Variants in ATAD2 observed in about 807,000 individuals in gnomAD.
ATAD2 encodes ATPase family AAA domain containing 2, also known as ATPase family AAA domain-containing protein 2.
A neutral mutation model predicts 168.9 loss-of-function variants in ATAD2; 62 were observed. The observed-to-expected ratio is 0.37, with a 90% confidence interval of 0.30 to 0.45. ATAD2 has a LOEUF of 0.45. ATAD2 is among the 20% of genes least tolerant of loss of function. The pLI is 1.00. For missense variants in ATAD2, 1,419 were observed against 1,667.8 expected (o/e 0.85, Z 2.60); for synonymous variants, 613 against 571.6 (o/e 1.07, Z -1.03).
intron 2 of ATAD2, among the ~76,000 whole-genome samples, chr8:123,377,029 T>G (rs1829334628): frequency 7.1e-6 from 1 of 140,638 alleles, no homozygotes; most frequent in Admixed American, 7.8e-5. Context: ...GGGCGGAGGT[T>G]GCAGTGAGCC....
intron 1 of ATAD2, among the ~76,000 whole-genome samples, chr8:123,389,986 T>TGTATATATA: frequency 1.5e-5 from 1 of 67,664 alleles, no homozygotes. Context: ...ATATATATAT[T>TGTATATATA]TTTTTTTTTT....
intron 9 of ATAD2, among the ~76,000 whole-genome samples, chr8:123,361,033 C>T (rs538795815): frequency 4.0e-5 from 6 of 151,314 alleles, no homozygotes; most frequent in Admixed American, 6.6e-5. Context: ...ATTTGGCAAG[C>T]GGGCCAGGCA....
chr8:123,409,018 G>A (rs764569310), intron 1 of ATAD2, among the ~76,000 whole-genome samples: 40 of 151,836 alleles, frequency 2.6e-4, no homozygotes, highest in Admixed American at 5.3e-4. Flanking sequence ...AGTAGAGACG[G>A]GGTTTTGCTG....
chr8:123,349,390 T>C lies in ATAD2; in HGVS notation c.1701A>G (p.Glu567=), dbSNP rs772610883. The part of the protein sequence containing the change: ...ALMDGLDSRG[E]IVVIGATNRL... ...TGTTCGTAGCACCAATGACCACAAT[T>C]TCCCCTCTGCTGTCCAATCCATCCA... Residue 567 remains glutamate, a synonymous_variant, in exon 14 of 28, where the codon GAA becomes GAG. Coordinates refer to ENST00000287394, the MANE Select transcript of ATAD2 (RefSeq NM_014109.4). 3 of 1,614,066 alleles carry C rather than the reference T, an allele frequency of 1.9e-6. No individual in the cohort carries two copies. Among genetic ancestry groups the C allele is most frequent in the Non-Finnish European group, 2.5e-6 (3 of 1,179,992 alleles).
chr8:123,396,431 T>G lies in ATAD2; in HGVS notation c.-74A>C. ...TCCAGGCGCTCGCAGCTCTGGCTCTTCCGCGCTCCGAATTCTGGCGCCACA... is the reference window on the plus strand; with the variant it reads ...TCCAGGCGCTCGCAGCTCTGGCTCTGCCGCGCTCCGAATTCTGGCGCCACA... On this transcript the variant is annotated 5_prime_UTR_variant, in exon 1 of 28. Coordinates refer to ENST00000287394, the MANE Select transcript of ATAD2 (RefSeq NM_014109.4). The G allele has an allele frequency of 1.4e-6, 2 of 1,394,248 alleles. No homozygotes were observed. The highest frequency in any genetic ancestry group is 1.9e-6 in the Non-Finnish European group (2 of 1,066,950). 86.4% of individuals were successfully genotyped at this position (1,394,248 alleles called of 1,614,324 possible).
Position 123,359,565 on chromosome 8 carries a change from C to A in ATAD2, c.1266+12G>T. The A allele has an allele frequency of 6.3e-7, 1 of 1,586,992 alleles. No individual in the cohort carries two copies. Among genetic ancestry groups the A allele is most frequent in the Non-Finnish European group, 8.6e-7 (1 of 1,159,078 alleles). ...TATAGTTCAAGCATATGTTTCAAAACAGAGTACTCACTGAAGAATCTAGTT... is the reference window on the plus strand; with the variant it reads ...TATAGTTCAAGCATATGTTTCAAAAAAGAGTACTCACTGAAGAATCTAGTT... On this transcript the variant is annotated intron_variant, in intron 10 of 27. Coordinates refer to ENST00000287394, the MANE Select transcript of ATAD2 (RefSeq NM_014109.4).
At chr8:123,407,679 T>C (rs532368216) in intron 1 of ATAD2, among the ~76,000 whole-genome samples, 1 of 150,244 alleles carries the variant, frequency 6.7e-6, no homozygotes, top group South Asian at 2.1e-4. Flanking sequence ...ATGGCAAAAC[T>C]CCATCTCTAC....
intron 2 of ATAD2, among the ~76,000 whole-genome samples, chr8:123,380,101 A>C (rs1283325194): frequency 4.6e-5 from 7 of 150,788 alleles, no homozygotes; most frequent in Non-Finnish European, 7.4e-5. Flanking sequence ...GCCCAGGCTG[A>C]AGTGCAGTGG....
intron 11 of ATAD2, among the ~76,000 whole-genome samples, chr8:123,358,503 C>T (rs1206372296): frequency 1.3e-5 from 2 of 151,990 alleles, no homozygotes; most frequent in Non-Finnish European, 2.9e-5. Context: ...CGCCACCATG[C>T]CTGGCTAATT....
intron 1 of ATAD2, among the ~76,000 whole-genome samples, chr8:123,389,543 G>A (rs1829751666): frequency 6.6e-6 from 1 of 151,590 alleles, no homozygotes; most frequent in South Asian, 2.1e-4. Flanking sequence ...AGGAGGCTGA[G>A]GCAGGAGAAT....
At chr8:123,329,978 C>CTTTTTT (rs1827730410) in intron 24 of ATAD2, among the ~76,000 whole-genome samples, 4 of 93,374 alleles carry the variant, frequency 4.3e-5, no homozygotes, top group African/African-American at 1.7e-4. Flanking sequence ...TCCCCAGTGG[C>CTTTTTT]TTCTTTTTTT....
chr8:123,337,567 C>G, intron 21 of ATAD2, 58 bp downstream of exon 21: 1 of 1,442,682 alleles, frequency 6.9e-7, no homozygotes, highest in East Asian at 2.3e-5. Flanking sequence ...TTCAAATATC[C>G]TTTGATTGTG....
intron 1 of ATAD2, among the ~76,000 whole-genome samples, chr8:123,406,382 CAAA>C (rs34085644): frequency 3.3e-5 from 3 of 90,854 alleles, no homozygotes; most frequent in Non-Finnish European, 4.1e-5. Context: ...ACTGTCTCAC[CAAA>C]AAAAAAAAAA....
rs143191258 is a variant in ATAD2, at chr8:123,328,392, C to T, written c.3666G>A (p.Ser1222=). Residue 1222 remains serine, a synonymous_variant, in exon 25 of 28, where the codon TCG becomes TCA. Transcript: ENST00000287394. ...TTTGCTGTTTTTCATTTTCTTCCAC[C>T]GAAGACTCTCCTGTGTTTCCGGTCT... ...HNETGNTGES[S]VEENEKQQNA... 178 of 1,602,900 alleles carry T rather than the reference C, an allele frequency of 1.1e-4. No homozygotes were observed. In the African/African-American group the frequency reaches 1.9e-3, roughly 17 times the overall value.
At chr8:123,368,461 G>T (rs1026438165) in intron 8 of ATAD2, among the ~76,000 whole-genome samples, 1 of 151,904 alleles carries the variant, frequency 6.6e-6, no homozygotes, top group African/African-American at 2.4e-5. Flanking sequence ...AAAAATAGAA[G>T]AATTATCTCT....
rs151296109 is a variant in ATAD2 at position 123,357,578 on chromosome 8, C to T, written c.1541G>A (p.Arg514Gln). Residue 514 changes from arginine to glutamine, a missense_variant, in exon 12 of 28, where the codon CGA becomes CAA. This residue lies in a region of ATAD2 where 6 missense variants were observed against 26.9 expected (regional missense o/e 0.22). Transcript: ENST00000287394. ...ATATCATACCTGATCAAACAGCAAT[C>T]GTAGCTGTCTTTCAGATTCTCCTAC... ...KWVGESERQL[R>Q]LLFDQAYQMR... is the part of the protein sequence containing the mutation. 9.3e-6 allele frequency: 15 copies of T among 1,612,798 alleles called. No homozygotes were observed. The highest frequency in any genetic ancestry group is 1.6e-4 in the Middle Eastern group (1 of 6,074).
intron 22 of ATAD2, among the ~76,000 whole-genome samples, chr8:123,334,988 G>T (rs11775312): frequency 0.99 from 151,494 of 152,314 alleles, 75,343 homozygotes; most frequent in East Asian, 1. Flanking sequence ...GGGCAAGGTC[G>T]AAGTAGTGGT....
chr8:123,358,222 C>G (rs1828706301), intron 11 of ATAD2, among the ~76,000 whole-genome samples: 1 of 152,152 alleles, frequency 6.6e-6, no homozygotes, highest in Non-Finnish European at 1.5e-5. Flanking sequence ...TCACTGTCAG[C>G]TAGGCTGGAG....
chr8:123,385,722 G>A (rs959784541), intron 1 of ATAD2, among the ~76,000 whole-genome samples: 1 of 151,602 alleles, frequency 6.6e-6, no homozygotes, highest in Admixed American at 6.6e-5. Context: ...GCAACCTACA[G>A]AATACGAAAA....
Sources: gnomAD v4.1 joint callset for allele counts (sites outside exome capture counted in the v4.1 genomes callset) on GRCh38, gnomAD v4.1.1 for gene constraint, gnomAD v4.1.1 regional missense constraint, MANE v1.5 for transcripts, NCBI Gene and HGNC (gene_info 2026-07-23, HGNC 2026-07-21) for gene names.